NIPAL2: variants seen among roughly 807,000 people sequenced by gnomAD.
The protein encoded by NIPAL2 is NIPA like domain containing 2.
A neutral mutation model predicts 48.9 loss-of-function variants in NIPAL2; 43 were observed. That is an observed-to-expected ratio of 0.88 (90% CI 0.69 to 1.13). NIPAL2 has a LOEUF of 1.13. Among genes scored for constraint, NIPAL2 ranks in the 50% most tolerant of loss-of-function variants. NIPAL2 has a pLI of 0.00. For missense variants in NIPAL2, 446 were observed against 461.4 expected (o/e 0.97, Z 0.31); for synonymous variants, 167 against 174.6 (o/e 0.96, Z 0.34).
At position 98,273,167 on chromosome 8, in the gene NIPAL2, A is replaced by T. The variant is rs1316928409; in HGVS notation, c.136-19080T>A. 2.0e-5 allele frequency among the ~76,000 whole-genome samples: 3 copies of T among 152,330 alleles called. No individual in the cohort carries two copies. In the East Asian group the frequency reaches 5.8e-4, roughly 29 times the overall value. On this transcript the variant is annotated intron_variant, in intron 1 of 10. Transcript: ENST00000430223. The stretch of plus-strand genomic sequence containing the variant: ...AAATGTGATACATTTTATATAATGG[A>T]AGATTATTCAGCCATAAAAGGGAGT...
At chr8:98,214,898 C>A (rs918642886) in intron 5 of NIPAL2, among the ~76,000 whole-genome samples, 1 of 152,192 alleles carries the variant, frequency 6.6e-6, no homozygotes, top group Non-Finnish European at 1.5e-5. Flanking sequence ...ACTCGTATCT[C>A]TTTGCCTTCC....
chr8:98,206,706 T>C (rs2130710870), intron 6 of NIPAL2, among the ~76,000 whole-genome samples: 1 of 147,546 alleles, frequency 6.8e-6, no homozygotes, highest in African/African-American at 2.5e-5. Flanking sequence ...GAGAATGGCG[T>C]GAACCCAGGA....
chr8:98,212,829 T>G (rs1811388990), intron 5 of NIPAL2, among the ~76,000 whole-genome samples: 1 of 152,136 alleles, frequency 6.6e-6, no homozygotes. Context: ...TCCCACTAGA[T>G]TCCCTACCTT....
rs751151319 is a variant in NIPAL2, at chr8:98,222,483, T to C, written c.554A>G (p.Tyr185Cys). 2.0e-5 allele frequency: 32 copies of C among 1,613,178 alleles called. No homozygotes were observed. In the South Asian group the frequency reaches 3.4e-4, roughly 17 times the overall value. ...TAAAATATTTAGAATTCTTACCACATAGATCAGGAACTGCCATCCGACAAG... is the reference window on the plus strand; with the variant it reads ...TAAAATATTTAGAATTCTTACCACACAGATCAGGAACTGCCATCCGACAAG... Reference protein sequence around the residue: ...YYLVGWQFLIYVILEILIFCI... With the variant: ...YYLVGWQFLICVILEILIFCI... The change falls in exon 5 of 11, where the codon TAT (tyrosine) becomes TGT (cysteine). Residue 185 changes from tyrosine to cysteine, a missense_variant. By Grantham distance (194) the Tyr-to-Cys change is radical. Coordinates refer to ENST00000430223, the MANE Select transcript of NIPAL2 (RefSeq NM_001321635.2).
At chr8:98,290,489 A>G (rs1292375378) in intron 1 of NIPAL2, among the ~76,000 whole-genome samples, 1 of 152,104 alleles carries the variant, frequency 6.6e-6, no homozygotes, top group Non-Finnish European at 1.5e-5. Flanking sequence ...CATTCTCTCT[A>G]CAAACTTCGC....
At chr8:98,222,166 T>C (rs1401044000) in intron 5 of NIPAL2, among the ~76,000 whole-genome samples, 1 of 152,084 alleles carries the variant, frequency 6.6e-6, no homozygotes, top group Admixed American at 6.5e-5. Context: ...TAAAGCAAAA[T>C]GTGTCCTTAA....
intron 1 of NIPAL2, among the ~76,000 whole-genome samples, chr8:98,273,882 A>C (rs1214023730): frequency 6.6e-6 from 1 of 152,022 alleles, no homozygotes; most frequent in Non-Finnish European, 1.5e-5. Context: ...TTGGACGTAC[A>C]TAGTCATTGT....
chr8:98,268,654 A>T (rs1224925693), intron 1 of NIPAL2, among the ~76,000 whole-genome samples: 1 of 151,262 alleles, frequency 6.6e-6, no homozygotes, highest in South Asian at 2.1e-4. Context: ...AAAGAAAAAA[A>T]CCCCACAAAA....
In NIPAL2 at chr8:98,291,665, TC is replaced by T. The variant is rs374825426; in HGVS notation, c.135+2337del. ...CTCAATAAACATCTTGGGAACATTA[TC>T]CTTCTCTACTGAAAACTTGTGGATC... On this transcript the variant is annotated intron_variant, in intron 1 of 10. Coordinates refer to ENST00000430223, the MANE Select transcript of NIPAL2 (RefSeq NM_001321635.2). Among the ~76,000 whole-genome samples, 147 of 152,382 alleles carry T rather than the reference TC, an allele frequency of 9.6e-4. 5 individuals are homozygous for T. The South Asian group carries it at 0.03, about 31-fold the overall frequency.
intron 1 of NIPAL2, among the ~76,000 whole-genome samples, chr8:98,292,482 C>A (rs2130929791): frequency 6.6e-6 from 1 of 152,300 alleles, no homozygotes; most frequent in East Asian, 1.9e-4. Context: ...TCAGTAATTT[C>A]AATTAGCACA....
chr8:98,282,664 C>T (rs1815908817), intron 1 of NIPAL2, among the ~76,000 whole-genome samples: 1 of 151,948 alleles, frequency 6.6e-6, no homozygotes, highest in Non-Finnish European at 1.5e-5. Context: ...AGAGTGAGAC[C>T]CTGTCTCTAA....
rs187882928 is a variant in NIPAL2, at chr8:98,255,681, C to T, written c.136-1594G>A. Among the ~76,000 whole-genome samples, 44 of 152,278 alleles carry T rather than the reference C, an allele frequency of 2.9e-4. 1 individual carries two copies. The highest frequency in any genetic ancestry group is 5.0e-4 in the Non-Finnish European group (34 of 68,020). Reference sequence around the variant, plus strand: ...ACTTGGTAATAATTTTGATCACTATCCCTCATGGGGAAACAATTGAGGCAC... The same window carrying T: ...ACTTGGTAATAATTTTGATCACTATTCCTCATGGGGAAACAATTGAGGCAC... On this transcript the variant is annotated intron_variant, in intron 1 of 10. Transcript: ENST00000430223.
intron 8 of NIPAL2, 63 bp downstream of exon 8, chr8:98,203,045 T>G: frequency 7.8e-7 from 1 of 1,282,536 alleles, no homozygotes. Flanking sequence ...GATTCTCTCA[T>G]TTACTCTGGG....
intron 3 of NIPAL2, among the ~76,000 whole-genome samples, chr8:98,250,079 T>C (rs1813510620): frequency 6.6e-6 from 1 of 152,058 alleles, no homozygotes; most frequent in Non-Finnish European, 1.5e-5. Flanking sequence ...ACTAAAACTA[T>C]TGTAAGTGTT....
At chr8:98,203,061 CTTCATT>C (rs1563484582) in intron 8 of NIPAL2, 41 bp downstream of exon 8, 1 of 1,414,582 alleles carries the variant, frequency 7.1e-7, no homozygotes, top group Non-Finnish European at 1.0e-6. Context: ...CTGGGAGAAA[CTTCATT>C]TATGCTTGGA....
At chr8:98,193,693 C>T (rs1810404751) in intron 10 of NIPAL2, among the ~76,000 whole-genome samples, 1 of 151,648 alleles carries the variant, frequency 6.6e-6, no homozygotes, top group South Asian at 2.1e-4. Context: ...GTGGTGCCTA[C>T]TCGGGAGGCT....
chr8:98,203,534 A>G (rs970678571), intron 7 of NIPAL2, among the ~76,000 whole-genome samples: 1 of 152,212 alleles, frequency 6.6e-6, no homozygotes, highest in Non-Finnish European at 1.5e-5. Context: ...TCTGTTAAAT[A>G]TCATATCTGG....
At chr8:98,196,065 A>C in intron 8 of NIPAL2, 60 bp from the exon 9 acceptor site, 2 of 993,610 alleles carry the variant, frequency 2.0e-6, no homozygotes, top group Non-Finnish European at 1.5e-6. Flanking sequence ...ATAATAGCTA[A>C]ATATTGTTTG....
At chr8:98,290,888 T>C (rs1449877226) in intron 1 of NIPAL2, among the ~76,000 whole-genome samples, 1 of 152,152 alleles carries the variant, frequency 6.6e-6, no homozygotes, top group African/African-American at 2.4e-5. Flanking sequence ...GAACTCCTAA[T>C]ATTTAAAAAG....
Sources: allele counts gnomAD v4.1 joint callset (sites outside exome capture counted in the v4.1 genomes callset), GRCh38; gene constraint gnomAD v4.1.1; transcripts MANE v1.5; gene names NCBI Gene and HGNC (gene_info 2026-07-23, HGNC 2026-07-21).